The following AASS variants were observed in gnomAD, a reference collection of about 807,000 sequenced individuals.
AASS encodes the protein alpha-aminoadipic semialdehyde synthase, mitochondrial.
AASS carries 86 observed loss-of-function variants against 105.4 expected under a neutral mutation model. The observed-to-expected ratio is 0.82, with a 90% CI of 0.69 to 0.98. The LOEUF is 0.98. Ranked by LOEUF, AASS falls within the 50% of genes least tolerant of loss-of-function variation. AASS has a pLI of 0.00. For synonymous variants in AASS, 381 were observed against 394.8 expected, an observed-to-expected ratio of 0.96 and a Z score of 0.41; for missense variants, 1,048 against 1,143.2, an observed-to-expected ratio of 0.92 and a Z score of 1.20.
chr7:122,078,384 T>C (rs994008126), intron 22 of AASS, among the ~76,000 whole-genome samples: 12 of 149,894 alleles, frequency 8.0e-5, no homozygotes, highest in Admixed American at 4.7e-4. Context: ...GAGGCTAAGG[T>C]GGGCGGATCA....
intron 1 of AASS, among the ~76,000 whole-genome samples, chr7:122,143,507 A>G (rs1050429272): frequency 2.6e-5 from 4 of 151,320 alleles, no homozygotes; most frequent in Non-Finnish European, 1.5e-5. Flanking sequence ...AATGGGCTGC[A>G]TAGTCCCGCA....
chr7:122,113,831 A>C (rs1328662374), intron 9 of AASS, 111 bp from the exon 10 acceptor site: 2 of 1,255,766 alleles, frequency 1.6e-6, no homozygotes, highest in African/African-American at 1.5e-5. Flanking sequence ...AATATTTTCC[A>C]GGCTTTTGGG....
chr7:122,101,200 A>G (rs746038506), intron 13 of AASS, among the ~76,000 whole-genome samples, 171 bp downstream of exon 13: 1 of 151,918 alleles, frequency 6.6e-6, no homozygotes, highest in African/African-American at 2.4e-5. Flanking sequence ...AAACAGTCAC[A>G]GTGGTTTCAG....
At chr7:122,079,386 G>C in intron 21 of AASS, 1 of 1,361,546 alleles carries the variant, frequency 7.3e-7, no homozygotes, top group Non-Finnish European at 9.7e-7. Context: ...AGTGTTTCGA[G>C]ATAAGCATTT....
chr7:122,103,145 T>G (rs1462495199), intron 11 of AASS, among the ~76,000 whole-genome samples: 4 of 152,038 alleles, frequency 2.6e-5, no homozygotes, highest in African/African-American at 9.7e-5. Flanking sequence ...CAAACAGAGT[T>G]AACCCAAAGA....
Position 122,075,912 on chromosome 7 carries a change from TAA to T in AASS, c.*575_*576del. ...GCTTTATGACGAAATTTTTTCTGAC[TAA>T]AAAAGTAAAACTTCATTTGCTGGTT... On this transcript the variant is annotated 3_prime_UTR_variant, in exon 24 of 24. Transcript: ENST00000417368. 3 of 152,338 alleles carry T rather than the reference TAA, an allele frequency of 2.0e-5. No homozygotes were observed. The Middle Eastern group carries it at 0.01, about 518-fold the overall frequency. 9.4% of individuals were successfully genotyped at this position (152,338 alleles called of 1,614,324 possible).
At chr7:122,105,078 A>C (rs2150527137) in intron 11 of AASS, among the ~76,000 whole-genome samples, 1 of 152,224 alleles carries the variant, frequency 6.6e-6, no homozygotes, top group Admixed American at 6.6e-5. Context: ...GAGGACAGGG[A>C]CAATACTTAT....
chr7:122,094,640 T>C (rs1397194011), intron 15 of AASS, among the ~76,000 whole-genome samples: 1 of 152,190 alleles, frequency 6.6e-6, no homozygotes, highest in Non-Finnish European at 1.5e-5. Flanking sequence ...CACTCATATT[T>C]ATGAAAATTT....
At chr7:122,113,767 C>G in intron 9 of AASS, 47 bp from the exon 10 acceptor site, 2 of 1,603,566 alleles carry the variant, frequency 1.2e-6, no homozygotes, top group South Asian at 2.2e-5. Context: ...ATTCTGAAGT[C>G]TCCAACAAGA....
chr7:122,079,702 A>C lies in AASS; in HGVS notation c.2291T>G (p.Leu764Arg). 1 of 1,612,528 alleles carries C rather than the reference A, an allele frequency of 6.2e-7. No individual in the cohort carries two copies. The highest frequency in any genetic ancestry group is 8.5e-7 in the Non-Finnish European group (1 of 1,178,630). The change falls in exon 21 of 24, where the codon CTC becomes CGC. Residue 764 changes from leucine (L) to arginine (R), a missense_variant. Physicochemically the swap from Leu to Arg is moderately radical, Grantham distance 102. Coordinates refer to ENST00000417368, the MANE Select transcript of AASS (RefSeq NM_005763.4). ...GGGTGAAATCCCAACTAGGTCACAG[A>C]GGAGTTGTTTCTGGTTAGAAAAAGA... ...EANPLTWKQL[L>R]CDLVGISPSS...
chr7:122,077,159 C>T (rs1036835701), intron 23 of AASS, among the ~76,000 whole-genome samples: 37 of 152,174 alleles, frequency 2.4e-4, no homozygotes, highest in Admixed American at 1.9e-3. Flanking sequence ...TGCTACTATA[C>T]ATTTTTTTTT....
At chr7:122,131,470 A>G (rs1428245654) in intron 2 of AASS, among the ~76,000 whole-genome samples, 1 of 152,012 alleles carries the variant, frequency 6.6e-6, no homozygotes, top group Non-Finnish European at 1.5e-5. Context: ...AATATTAAAG[A>G]ATTAAGATTT....
rs1379563763 is a variant in AASS, at chr7:122,092,840, C to G, written c.1875+3G>C. 6.2e-7 allele frequency: 1 copy of G among 1,612,894 alleles called. No homozygotes were observed. Among genetic ancestry groups the G allele is most frequent in the South Asian group, 1.1e-5 (1 of 91,072 alleles). ...GTTGCCTTTGGGTACAAATTGGGCTCACCGTGGCTCCCACTTCCTTGGCTT... is the reference window on the plus strand; with the variant it reads ...GTTGCCTTTGGGTACAAATTGGGCTGACCGTGGCTCCCACTTCCTTGGCTT... On this transcript the variant is annotated splice_donor_region_variant and intron_variant, in intron 17 of 23. Transcript: ENST00000417368.
chr7:122,077,485 A>G (rs564853116), intron 23 of AASS, among the ~76,000 whole-genome samples: 129 of 152,196 alleles, frequency 8.5e-4, no homozygotes, highest in Non-Finnish European at 1.6e-3. Context: ...CCCCTCTATG[A>G]GGTAGCAGCT....
chr7:122,118,548 A>G lies in AASS; in HGVS notation c.540+15T>C. Reference sequence around the variant, plus strand: ...ATGTGTTTTCAAAAAAATTAGCAAAATAAACATCTCTTACCATAAAAGGTG... The same window carrying G: ...ATGTGTTTTCAAAAAAATTAGCAAAGTAAACATCTCTTACCATAAAAGGTG... On this transcript the variant is annotated intron_variant, in intron 5 of 23. Coordinates refer to ENST00000417368, the MANE Select transcript of AASS (RefSeq NM_005763.4). 6.2e-7 allele frequency: 1 copy of G among 1,614,122 alleles called. No homozygotes were observed. The highest frequency in any genetic ancestry group is 8.5e-7 in the Non-Finnish European group (1 of 1,179,994).
chr7:122,073,944 G>C lies in AASS; in HGVS notation c.*2545C>G, dbSNP rs1228005595. ...TTTTTATTGCTGAATAATATTCCTT[G>C]TATGGATATGCCACGTTTTGTTTAT... On this transcript the variant is annotated 3_prime_UTR_variant, in exon 24 of 24. Coordinates refer to ENST00000417368, the MANE Select transcript of AASS (RefSeq NM_005763.4). 6.6e-6 allele frequency among the ~76,000 whole-genome samples: 1 copy of C among 151,886 alleles called. No homozygotes were observed.
Position 122,093,036 on chromosome 7 carries a change from AT to A in AASS, c.1766+11del. ...GGATCCACTCAGTTTGTTTAAAATG[AT>A]TAAAACTTACCTCTTTTCCAATTCT... On this transcript the variant is annotated intron_variant, in intron 16 of 23. Transcript: ENST00000417368. The A allele has an allele frequency of 6.2e-7, 1 of 1,612,410 alleles. No homozygotes were observed. Among genetic ancestry groups the A allele is most frequent in the Non-Finnish European group, 8.5e-7 (1 of 1,178,464 alleles).
At chr7:122,090,894 C>T (rs890013942) in intron 18 of AASS, among the ~76,000 whole-genome samples, 2 of 152,206 alleles carry the variant, frequency 1.3e-5, no homozygotes, top group African/African-American at 2.4e-5. Flanking sequence ...CCTTCAAGGC[C>T]AAGCACATCC....
chr7:122,135,939 C>T (rs539320271), intron 1 of AASS, among the ~76,000 whole-genome samples: 2 of 152,120 alleles, frequency 1.3e-5, no homozygotes, highest in Non-Finnish European at 2.9e-5. Context: ...CCAGGCTTAA[C>T]AGTATTCTAC....
Sources: gnomAD v4.1 joint callset for allele counts (sites outside exome capture counted in the v4.1 genomes callset) on GRCh38, gnomAD v4.1.1 for gene constraint, MANE v1.5 for transcripts, NCBI Gene and HGNC (gene_info 2026-07-23, HGNC 2026-07-21) for gene names.